TTC28: variants seen among roughly 807,000 people sequenced by gnomAD.
TTC28 encodes the protein tetratricopeptide repeat domain 28.
Under a neutral mutation model 198.0 loss-of-function variants are expected in TTC28, and 61 were observed. The observed-to-expected ratio is 0.31, with a 90% CI of 0.25 to 0.38. The LOEUF is 0.38. Among genes scored for constraint, TTC28 ranks in the 10% least tolerant of loss-of-function variants. The pLI is 1.00. For missense variants in TTC28, 2,678 were observed against 3,164.0 expected, an observed-to-expected ratio of 0.85 and a Z score of 3.69; for synonymous variants, 1,171 against 1,297.8, an observed-to-expected ratio of 0.90 and a Z score of 2.10.
intron 2 of TTC28, among the ~76,000 whole-genome samples, chr22:28,503,518 C>T (rs2048564174): frequency 1.3e-5 from 2 of 152,180 alleles, no homozygotes; most frequent in South Asian, 2.1e-4. Flanking sequence ...CACTTAATGT[C>T]ATTAGGCTTC....
chr22:28,424,469 T>C (rs1195827379), intron 2 of TTC28, among the ~76,000 whole-genome samples: 1 of 152,316 alleles, frequency 6.6e-6, no homozygotes, highest in South Asian at 2.1e-4. Context: ...TAATTAAATA[T>C]TAATATATGT....
intron 2 of TTC28, among the ~76,000 whole-genome samples, chr22:28,594,201 T>C (rs1375682505): frequency 6.6e-6 from 1 of 151,274 alleles, no homozygotes; most frequent in Admixed American, 6.6e-5. Flanking sequence ...AAGCTAATCT[T>C]GTCTCTCATT....
intron 2 of TTC28, among the ~76,000 whole-genome samples, chr22:28,346,448 C>T (rs1277531986): frequency 6.6e-6 from 1 of 152,150 alleles, no homozygotes; most frequent in Admixed American, 6.5e-5. Flanking sequence ...ATTCCGAAAG[C>T]TAAGACAGGT....
chr22:28,225,033 A>AAC (rs1928184013), intron 5 of TTC28, among the ~76,000 whole-genome samples: 1 of 152,122 alleles, frequency 6.6e-6, no homozygotes, highest in African/African-American at 2.4e-5. Flanking sequence ...GCTATCCATT[A>AAC]ACAATCAAAT....
intron 6 of TTC28, among the ~76,000 whole-genome samples, chr22:28,148,719 T>C (rs180879806): frequency 1.1e-4 from 17 of 152,266 alleles, no homozygotes; most frequent in Admixed American, 1.0e-3. Context: ...TTTTAGGTAT[T>C]GTTTACACCA....
At chr22:28,548,670 T>C (rs974845776) in intron 2 of TTC28, among the ~76,000 whole-genome samples, 3 of 152,210 alleles carry the variant, frequency 2.0e-5, no homozygotes, top group Admixed American at 1.3e-4. Flanking sequence ...ATCAGTTTGG[T>C]GGTGAATGGT....
chr22:28,045,670 A>G (rs1939833029), intron 12 of TTC28, among the ~76,000 whole-genome samples: 2 of 152,326 alleles, frequency 1.3e-5, no homozygotes, highest in South Asian at 4.1e-4. Flanking sequence ...ATATCCAATA[A>G]AGAGTCATCC....
chr22:28,579,626 A>ATGTG (rs71194778), intron 2 of TTC28, among the ~76,000 whole-genome samples: 46 of 148,534 alleles, frequency 3.1e-4, no homozygotes, highest in African/African-American at 7.1e-4. Context: ...ACATATACAA[A>ATGTG]TGTGTGTGTG....
intron 5 of TTC28, among the ~76,000 whole-genome samples, chr22:28,227,901 A>G (rs574614312): frequency 6.6e-6 from 1 of 152,180 alleles, no homozygotes; most frequent in African/African-American, 2.4e-5. Flanking sequence ...AGGACCTCAA[A>G]TAGATATTTG....
rs35849354 is a variant in TTC28, at chr22:28,637,004, G to GTT, written c.103-7176_103-7175dup. Among the ~76,000 whole-genome samples, 243 of 97,282 alleles carry GTT rather than the reference G, an allele frequency of 2.5e-3. 1 individual carries two copies. Among genetic ancestry groups the GTT allele is most frequent in the Admixed American group, 5.4e-3 (46 of 8,588 alleles). 63.8% of individuals were successfully genotyped at this position (97,282 alleles called of 152,430 possible). ...GGAGTTTTAGAGTTTCAGGTCTTCA[G>GTT]TTTTTTTTTTTTTTTTTTTTTTGAG... On this transcript the variant is annotated intron_variant, in intron 1 of 22. Transcript: ENST00000397906.
At chr22:28,368,509 C>T (rs1215088300) in intron 2 of TTC28, among the ~76,000 whole-genome samples, 2 of 151,978 alleles carry the variant, frequency 1.3e-5, no homozygotes, top group African/African-American at 2.4e-5. Context: ...CTACTTTTAC[C>T]ACTGTTATTC....
At chr22:28,406,237 GCATAATTCA>G (rs1379737882) in intron 2 of TTC28, among the ~76,000 whole-genome samples, 2 of 152,204 alleles carry the variant, frequency 1.3e-5, no homozygotes, top group African/African-American at 4.8e-5. Context: ...TAAAATACAA[GCATAATTCA>G]CTCAGCTAAG....
chr22:28,649,742 T>C (rs936989516), intron 1 of TTC28, among the ~76,000 whole-genome samples: 24 of 152,330 alleles, frequency 1.6e-4, no homozygotes, highest in African/African-American at 5.8e-4. Context: ...TCAGTTATAA[T>C]GACAGATTCA....
rs933197593 is a variant in TTC28 at position 28,166,232 on chromosome 22, T to C, written c.934-2633A>G. Among the ~76,000 whole-genome samples, 8 of 152,154 alleles carry C rather than the reference T, an allele frequency of 5.3e-5. No homozygotes were observed. The South Asian group carries it at 6.2e-4, about 12-fold the overall frequency. On this transcript the variant is annotated intron_variant, in intron 5 of 22. Transcript: ENST00000397906. ...CTCCCACTCAATAATAATGGGAGAC[T>C]TTAAACCCCACTGTCAACATTAGAC...
chr22:28,021,869 G>A (rs575003781), intron 13 of TTC28, among the ~76,000 whole-genome samples: 1 of 152,326 alleles, frequency 6.6e-6, no homozygotes, highest in Non-Finnish European at 1.5e-5. Flanking sequence ...TGGAAGGGAG[G>A]GGTGAGAAGG....
chr22:28,465,358 G>A (rs568249235), intron 2 of TTC28, among the ~76,000 whole-genome samples: 2 of 152,146 alleles, frequency 1.3e-5, no homozygotes, highest in African/African-American at 4.8e-5. Context: ...GGGCACCGTG[G>A]CTCACTCCTG....
At chr22:28,548,737 A>T (rs1169286530) in intron 2 of TTC28, among the ~76,000 whole-genome samples, 8 of 152,192 alleles carry the variant, frequency 5.3e-5, no homozygotes, top group Non-Finnish European at 1.0e-4. Context: ...TCAATCCAGC[A>T]TTATTATAGT....
At chr22:28,084,777 A>C (rs1941504828) in intron 12 of TTC28, among the ~76,000 whole-genome samples, 2 of 152,170 alleles carry the variant, frequency 1.3e-5, no homozygotes, top group African/African-American at 4.8e-5. Context: ...AAATTAGACG[A>C]ATGGATAACT....
chr22:28,188,612 G>A (rs911599640), intron 5 of TTC28, among the ~76,000 whole-genome samples: 1 of 152,180 alleles, frequency 6.6e-6, no homozygotes, highest in Non-Finnish European at 1.5e-5. Context: ...AGACGGAAAT[G>A]AAATGTTACA....
Sources: allele counts gnomAD v4.1 joint callset (sites outside exome capture counted in the v4.1 genomes callset), GRCh38; gene constraint gnomAD v4.1.1; transcripts MANE v1.5; gene names NCBI Gene and HGNC (gene_info 2026-07-23, HGNC 2026-07-21).